CPLX1: variants seen among roughly 807,000 people sequenced by gnomAD.
CPLX1 encodes the protein complexin 1.
A neutral mutation model predicts 15.6 loss-of-function variants in CPLX1; 6 were observed. The observed-to-expected ratio is 0.39, with a 90% confidence interval of 0.21 to 0.76. The LOEUF is 0.76. CPLX1 is among the 30% of genes least tolerant of loss of function. The pLI is 0.43. For missense variants in CPLX1, 242 were observed against 188.6 expected (o/e 1.28, Z -1.66); for synonymous variants, 91 against 75.2 (o/e 1.21, Z -1.08).
At chr4:790,024 G>A (rs1480861115) in intron 3 of CPLX1, among the ~76,000 whole-genome samples, 3 of 98,012 alleles carry the variant, frequency 3.1e-5, no homozygotes, top group Non-Finnish European at 4.2e-5. Context: ...ACGCCTGAGG[G>A]CGGGGTTCCC....
chr4:787,663 C>G, intron 3 of CPLX1: 2 of 983,996 alleles, frequency 2.0e-6, no homozygotes, highest in Non-Finnish European at 1.2e-6. Context: ...GGCCCTCCCC[C>G]AGAGCCTCCA....
At chr4:820,582 C>T (rs1273623992) in intron 2 of CPLX1, among the ~76,000 whole-genome samples, 8 of 152,118 alleles carry the variant, frequency 5.3e-5, no homozygotes, top group Admixed American at 2.0e-4. Context: ...ACTTTGGTGC[C>T]GGGAAGGAGG....
At chr4:807,378 C>T (rs1057437395) in intron 2 of CPLX1, among the ~76,000 whole-genome samples, 2 of 152,188 alleles carry the variant, frequency 1.3e-5, no homozygotes, top group African/African-American at 4.8e-5. Flanking sequence ...GGGCTTAATA[C>T]CTAGGTGATA....
intron 2 of CPLX1, among the ~76,000 whole-genome samples, chr4:820,296 GTGGCC>G (rs1746837547): frequency 6.6e-6 from 1 of 152,276 alleles, no homozygotes; most frequent in Non-Finnish European, 1.5e-5. Flanking sequence ...AGCCTGATCA[GTGGCC>G]CAATGGGGCA....
chr4:804,647 C>G (rs1746520011), intron 2 of CPLX1: 1 of 802,858 alleles, frequency 1.2e-6, no homozygotes, highest in Non-Finnish European at 1.5e-6. Context: ...TCAGCTTAAA[C>G]TCCAACGCTT....
intron 3 of CPLX1, among the ~76,000 whole-genome samples, chr4:789,159 G>A (rs578002618): frequency 2.2e-4 from 33 of 152,316 alleles, no homozygotes; most frequent in Non-Finnish European, 4.0e-4. Flanking sequence ...AACAGGCTCC[G>A]GGGCTGGGCT....
At chr4:788,347 GC>G in intron 3 of CPLX1, 1 of 985,290 alleles carries the variant, frequency 1.0e-6, no homozygotes, top group Non-Finnish European at 1.2e-6. Flanking sequence ...GGTGTGGGGG[GC>G]CAGGGCCACC....
At chr4:794,026 C>T (rs374358612) in intron 2 of CPLX1, among the ~76,000 whole-genome samples, 6 of 152,242 alleles carry the variant, frequency 3.9e-5, no homozygotes, top group South Asian at 2.1e-4. Flanking sequence ...ATGCTGATAC[C>T]GGGAAGCTCC....
Position 786,345 on chromosome 4 carries a change from G to T in CPLX1, c.*156C>A. 2.7e-6 allele frequency: 2 copies of T among 742,474 alleles called. No homozygotes were observed. Among genetic ancestry groups the T allele is most frequent in the Non-Finnish European group, 3.9e-6 (2 of 507,836 alleles). 46.0% of individuals were successfully genotyped at this position (742,474 alleles called of 1,614,324 possible). ...GGGGTCCTGGGGGCGCGCGCCCCTT[G>T]CCGGGTGAGGGAGGCGGCGGGCGCG... is the stretch of plus-strand genomic sequence containing the variant. On this transcript the variant is annotated 3_prime_UTR_variant, in exon 4 of 4. Coordinates refer to ENST00000304062, the MANE Select transcript of CPLX1 (RefSeq NM_006651.4).
intron 2 of CPLX1, among the ~76,000 whole-genome samples, chr4:798,344 T>C (rs1746385470): frequency 6.6e-6 from 1 of 150,450 alleles, no homozygotes; most frequent in African/African-American, 2.5e-5. Context: ...AATAGACCCA[T>C]ACATATATTG....
intron 2 of CPLX1, among the ~76,000 whole-genome samples, chr4:802,413 T>C (rs1014346740): frequency 2.0e-5 from 3 of 152,252 alleles, no homozygotes; most frequent in East Asian, 3.8e-4. Context: ...GTGAAACTCA[T>C]TGGAGTGTAC....
At chr4:788,841 A>G (rs559711014) in intron 3 of CPLX1, among the ~76,000 whole-genome samples, 1 of 152,264 alleles carries the variant, frequency 6.6e-6, no homozygotes, top group South Asian at 2.1e-4. Flanking sequence ...TGTGCTGCCC[A>G]CAGCAAAAGC....
chr4:820,219 AGCTCC>A (rs1746835902), intron 2 of CPLX1, among the ~76,000 whole-genome samples: 2 of 151,370 alleles, frequency 1.3e-5, no homozygotes, highest in Non-Finnish European at 2.9e-5. Flanking sequence ...CCCAGCCTGC[AGCTCC>A]ACCGTCCTCC....
At chr4:823,453 C>A (rs1187919002) in intron 2 of CPLX1, among the ~76,000 whole-genome samples, 2 of 152,228 alleles carry the variant, frequency 1.3e-5, no homozygotes, top group Non-Finnish European at 2.9e-5. Flanking sequence ...CCAGCTCCCC[C>A]ACTGCAGAAA....
At chr4:791,015 G>T (rs1746155620) in intron 3 of CPLX1, among the ~76,000 whole-genome samples, 1 of 151,348 alleles carries the variant, frequency 6.6e-6, no homozygotes, top group Admixed American at 6.6e-5. Flanking sequence ...CTGTGTCTCT[G>T]TTCCTCTCTG....
At chr4:795,515 AG>A (rs1369305604) in intron 2 of CPLX1, among the ~76,000 whole-genome samples, 2 of 152,256 alleles carry the variant, frequency 1.3e-5, no homozygotes, top group East Asian at 3.9e-4. Context: ...CTCTGATTGC[AG>A]GGGGGTCGGA....
chr4:795,285 G>T (rs1173985506), intron 2 of CPLX1, among the ~76,000 whole-genome samples: 2 of 152,272 alleles, frequency 1.3e-5, no homozygotes, highest in Non-Finnish European at 2.9e-5. Context: ...CACAGACGCC[G>T]GAGCGGCGAG....
chr4:787,367 G>A (rs1746031798), intron 3 of CPLX1: 18 of 985,300 alleles, frequency 1.8e-5, no homozygotes, highest in Non-Finnish European at 2.0e-5. Context: ...CCGTGAGTGC[G>A]TCTGCCCTCC....
chr4:798,268 G>A (rs1173959072), intron 2 of CPLX1, among the ~76,000 whole-genome samples: 6 of 107,734 alleles, frequency 5.6e-5, no homozygotes, highest in South Asian at 3.2e-4. Flanking sequence ...GTGAGACTCC[G>A]TCTCAAAAAA....
Sources: gnomAD v4.1 joint callset for allele counts (sites outside exome capture counted in the v4.1 genomes callset) on GRCh38, gnomAD v4.1.1 for gene constraint, MANE v1.5 for transcripts, NCBI Gene and HGNC (gene_info 2026-07-23, HGNC 2026-07-21) for gene names.